PIK3R4: variants seen among roughly 807,000 people sequenced by gnomAD.
The protein encoded by PIK3R4 is phosphoinositide-3-kinase regulatory subunit 4, also known as phosphoinositide 3-kinase regulatory subunit 4.
PIK3R4 carries 46 observed loss-of-function variants against 136.5 expected under a neutral mutation model. That is an observed-to-expected ratio of 0.34 (90% CI 0.27 to 0.43). PIK3R4 has a LOEUF of 0.43. PIK3R4 is among the 20% of genes least tolerant of loss of function. PIK3R4 has a pLI of 1.00. For missense variants in PIK3R4, 1,331 were observed against 1,649.5 expected, an observed-to-expected ratio of 0.81 and a Z score of 3.35; for synonymous variants, 557 against 566.7, an observed-to-expected ratio of 0.98 and a Z score of 0.24.
At chr3:130,681,129 AT>A in intron 17 of PIK3R4, 64 bp from the exon 18 acceptor site, 1 of 927,362 alleles carries the variant, frequency 1.1e-6, no homozygotes, top group East Asian at 2.4e-5. Flanking sequence ...TGATAGTGCT[AT>A]TTCTAGAGGC....
chr3:130,680,502 C>T, intron 19 of PIK3R4, 111 bp downstream of exon 19: 36 of 511,676 alleles, frequency 7.0e-5, no homozygotes, highest in South Asian at 1.5e-4. Flanking sequence ...AATAAATTTC[C>T]TAAATTCAAA....
rs972561057 is a variant in PIK3R4 at position 130,690,498 on chromosome 3, T to C, written c.3255A>G (p.Leu1085=). 6.2e-7 allele frequency: 1 copy of C among 1,611,138 alleles called. No individual in the cohort carries two copies. The highest frequency in any genetic ancestry group is 1.3e-5 in the African/African-American group (1 of 74,822). The change falls in exon 14 of 20, where the codon CTA becomes CTG. Residue 1085 remains leucine (L), a synonymous_variant. Coordinates refer to ENST00000356763, the MANE Select transcript of PIK3R4 (RefSeq NM_014602.3). ...GACAAAAGATAAGATACCTGCTTTGTAGAGGATGGATTTTAGGAGACTTGG... is the reference window on the plus strand; with the variant it reads ...GACAAAAGATAAGATACCTGCTTTGCAGAGGATGGATTTTAGGAGACTTGG... The part of the protein sequence containing the change: ...KLPKSPKIHP[L]QSRILDQKED...
intron 13 of PIK3R4, among the ~76,000 whole-genome samples, chr3:130,695,161 T>C (rs1576452595): frequency 1.3e-5 from 2 of 152,162 alleles, no homozygotes; most frequent in Non-Finnish European, 2.9e-5. Context: ...ACATGTTGGA[T>C]TTAGTTTACT....
Position 130,723,405 on chromosome 3 carries a change from G to A in PIK3R4, c.1981+9C>T. 1 of 1,593,432 alleles carries A rather than the reference G, an allele frequency of 6.3e-7. No individual in the cohort carries two copies. Among genetic ancestry groups the A allele is most frequent in the Non-Finnish European group, 8.5e-7 (1 of 1,172,620 alleles). Reference sequence around the variant, plus strand: ...AATCTCATTCTAATTTTGAGAAACAGAAACTTACCAATATCACTGGCAAAT... The same window carrying A: ...AATCTCATTCTAATTTTGAGAAACAAAAACTTACCAATATCACTGGCAAAT... On this transcript the variant is annotated intron_variant, in intron 7 of 19. Transcript: ENST00000356763.
At position 130,684,306 on chromosome 3, in the gene PIK3R4, C is replaced by T; in HGVS notation, c.3551G>A (p.Arg1184Lys). Residue 1184 changes from arginine to lysine, a missense_variant, in exon 16 of 20, where the codon AGG (arginine) becomes AAG (lysine). By Grantham distance (26) the Arg-to-Lys change is conservative. This residue lies in a region of PIK3R4 where 1,180 missense variants were observed against 1,407.0 expected (regional missense o/e 0.84). Transcript: ENST00000356763. ...LPISSHCHPS[R>K]ARIRRLSMHP... ...CATTGAGAGGCGTCTGATTCGAGCCCTGGAAGGATGACAGTGACTTGAAAT... is the reference window on the plus strand; with the variant it reads ...CATTGAGAGGCGTCTGATTCGAGCCTTGGAAGGATGACAGTGACTTGAAAT... The T allele has an allele frequency of 6.2e-7, 1 of 1,613,392 alleles. No homozygotes were observed. Among genetic ancestry groups the T allele is most frequent in the Non-Finnish European group, 8.5e-7 (1 of 1,179,472 alleles).
chr3:130,727,864 TAA>T (rs1457039316), intron 6 of PIK3R4, among the ~76,000 whole-genome samples: 5 of 152,120 alleles, frequency 3.3e-5, no homozygotes, highest in Non-Finnish European at 2.9e-5. Context: ...AAATGTAATA[TAA>T]GTCATGCATA....
At chr3:130,695,932 G>A (rs1055620293) in intron 13 of PIK3R4, among the ~76,000 whole-genome samples, 2 of 151,940 alleles carry the variant, frequency 1.3e-5, no homozygotes, top group African/African-American at 4.8e-5. Context: ...CTTTGTGGGA[G>A]GTTTTTTGAT....
chr3:130,684,148 T>A, intron 16 of PIK3R4, 102 bp downstream of exon 16: 1 of 1,027,386 alleles, frequency 9.7e-7, no homozygotes, highest in Non-Finnish European at 1.5e-6. Context: ...AAGCATTCAG[T>A]TCATATGTAA....
chr3:130,723,629 A>G, intron 6 of PIK3R4, 42 bp from the exon 7 acceptor site: 2 of 1,529,156 alleles, frequency 1.3e-6, no homozygotes, highest in East Asian at 2.3e-5. Flanking sequence ...TCAATACCTA[A>G]AAGTACATAT....
At chr3:130,680,310 C>A (rs1455581898) in intron 19 of PIK3R4, among the ~76,000 whole-genome samples, 2 of 152,066 alleles carry the variant, frequency 1.3e-5, no homozygotes, top group Non-Finnish European at 2.9e-5. Flanking sequence ...AGCTGTGTGA[C>A]CTTGAACAAG....
At chr3:130,729,502 T>G (rs373684537) in intron 5 of PIK3R4, among the ~76,000 whole-genome samples, 1 of 152,320 alleles carries the variant, frequency 6.6e-6, no homozygotes, top group African/African-American at 2.4e-5. Context: ...TTTTACCATT[T>G]AACTTTATTA....
intron 9 of PIK3R4, among the ~76,000 whole-genome samples, chr3:130,712,129 T>C (rs545447049): frequency 2.0e-5 from 3 of 152,154 alleles, no homozygotes; most frequent in Non-Finnish European, 2.9e-5. Context: ...CCAACTCCCA[T>C]ATGGGTAACG....
chr3:130,743,881 T>A (rs1323477392), intron 2 of PIK3R4, among the ~76,000 whole-genome samples: 1 of 152,222 alleles, frequency 6.6e-6, no homozygotes, highest in Non-Finnish European at 1.5e-5. Context: ...TAATTCACAC[T>A]GTGTTCCAGA....
At chr3:130,681,205 T>C (rs996756813) in intron 17 of PIK3R4, 140 bp from the exon 18 acceptor site, 10 of 674,384 alleles carry the variant, frequency 1.5e-5, no homozygotes, top group Non-Finnish European at 2.4e-5. Context: ...CAGTTATGTA[T>C]GCCCTATCTA....
chr3:130,725,198 G>A (rs2066724666), intron 6 of PIK3R4, among the ~76,000 whole-genome samples: 1 of 151,754 alleles, frequency 6.6e-6, no homozygotes, highest in Non-Finnish European at 1.5e-5. Context: ...TACCCTATCA[G>A]ATGATAAAGG....
chr3:130,722,152 T>C (rs1450130727), intron 7 of PIK3R4, among the ~76,000 whole-genome samples: 4 of 147,280 alleles, frequency 2.7e-5, no homozygotes, highest in Admixed American at 1.4e-4. Context: ...GTTACTAAAA[T>C]TGTTTTTTAC....
intron 3 of PIK3R4, among the ~76,000 whole-genome samples, chr3:130,734,670 A>G (rs1278891763): frequency 2.0e-5 from 3 of 152,230 alleles, no homozygotes; most frequent in African/African-American, 7.2e-5. Flanking sequence ...AAAGTTTTCA[A>G]ATAGTGTCAA....
At chr3:130,688,910 T>C (rs2066502152) in intron 14 of PIK3R4, among the ~76,000 whole-genome samples, 1 of 152,230 alleles carries the variant, frequency 6.6e-6, no homozygotes, top group South Asian at 2.1e-4. Flanking sequence ...CATTCTTATT[T>C]TATGGACCAT....
chr3:130,708,455 A>G lies in PIK3R4; in HGVS notation c.2369T>C (p.Leu790Pro). 6.2e-7 allele frequency: 1 copy of G among 1,613,316 alleles called. No homozygotes were observed. Among genetic ancestry groups the G allele is most frequent in the East Asian group, 2.2e-5 (1 of 44,826 alleles). ...TEEEEDKLLA[L>P]KDFMMKSNKA... ...ATTAGATTTCATCATGAAGTCTTTC[A>G]GTGCCAGAAGTTTGTCTTCCTCTTC... is the stretch of plus-strand genomic sequence containing the variant. Residue 790 changes from leucine (L) to proline (P), a missense_variant, in exon 10 of 20, where the codon CTG (leucine) becomes CCG (proline). By Grantham distance (98) the Leu-to-Pro change is moderately conservative. This residue lies in a region of PIK3R4 where 1,180 missense variants were observed against 1,407.0 expected (regional missense o/e 0.84). Coordinates refer to ENST00000356763, the MANE Select transcript of PIK3R4 (RefSeq NM_014602.3).
Sources: allele counts gnomAD v4.1 joint callset (sites outside exome capture counted in the v4.1 genomes callset), GRCh38; gene constraint gnomAD v4.1.1; regional missense constraint gnomAD v4.1.1; transcripts MANE v1.5; gene names NCBI Gene and HGNC (gene_info 2026-07-23, HGNC 2026-07-21).